ATP8A2: variants seen among roughly 807,000 people sequenced by gnomAD.
ATP8A2 encodes the protein phospholipid-transporting ATPase IB.
A neutral mutation model predicts 165.6 loss-of-function variants in ATP8A2; 100 were observed. The observed-to-expected ratio is 0.60, with a 90% CI of 0.51 to 0.71. ATP8A2 has a LOEUF of 0.71. Among genes scored for constraint, ATP8A2 ranks in the 30% least tolerant of loss-of-function variants. The probability of loss-of-function intolerance (pLI) is 0.00; values close to 1 mark genes in which losing one functional copy is unlikely to be tolerated. For missense variants in ATP8A2, 1,227 were observed against 1,479.5 expected (o/e 0.83, Z 2.80); for synonymous variants, 543 against 548.8 (o/e 0.99, Z 0.15).
chr13:25,474,080 C>G (rs2035923100), intron 2 of ATP8A2, among the ~76,000 whole-genome samples: 1 of 152,140 alleles, frequency 6.6e-6, no homozygotes, highest in Admixed American at 6.6e-5. Context: ...TTTATAGTTA[C>G]TCAGTTTTGA....
At chr13:25,573,934 G>C (rs2039542338) in intron 18 of ATP8A2, among the ~76,000 whole-genome samples, 1 of 152,176 alleles carries the variant, frequency 6.6e-6, no homozygotes, top group Non-Finnish European at 1.5e-5. Flanking sequence ...TTGGTAATTT[G>C]AATGTGTTAC....
At chr13:25,480,240 C>T (rs1177794572) in intron 2 of ATP8A2, among the ~76,000 whole-genome samples, 9 of 148,492 alleles carry the variant, frequency 6.1e-5, no homozygotes, top group South Asian at 2.2e-4. Flanking sequence ...CCAGTAGGGG[C>T]GGCTGGGCAG....
intron 1 of ATP8A2, among the ~76,000 whole-genome samples, chr13:25,452,673 A>G (rs928539242): frequency 1.3e-5 from 2 of 152,214 alleles, no homozygotes; most frequent in Admixed American, 6.6e-5. Context: ...AACAGTAAAT[A>G]TATTTTTTAG....
intron 10 of ATP8A2, among the ~76,000 whole-genome samples, chr13:25,549,656 T>C (rs1248033993): frequency 6.6e-6 from 1 of 152,078 alleles, no homozygotes; most frequent in Admixed American, 6.5e-5. Flanking sequence ...CCTGCTGTTA[T>C]TACTGTACTG....
At chr13:25,948,239 C>T (rs1955263009) in intron 33 of ATP8A2, among the ~76,000 whole-genome samples, 1 of 151,814 alleles carries the variant, frequency 6.6e-6, no homozygotes, top group African/African-American at 2.4e-5. Context: ...ACCCAGTTCC[C>T]CCTCAAAACT....
intron 25 of ATP8A2, among the ~76,000 whole-genome samples, chr13:25,700,118 G>C (rs2042920467): frequency 6.6e-6 from 1 of 152,114 alleles, no homozygotes; most frequent in Admixed American, 6.5e-5. Flanking sequence ...TTGAAACAAT[G>C]AGTGACAAGT....
intron 24 of ATP8A2, among the ~76,000 whole-genome samples, chr13:25,651,517 T>C (rs1453226858): frequency 6.6e-6 from 1 of 152,198 alleles, no homozygotes; most frequent in Non-Finnish European, 1.5e-5. Context: ...TCTGCAGATT[T>C]ATTTTATTAA....
intron 27 of ATP8A2, among the ~76,000 whole-genome samples, 159 bp from the exon 28 acceptor site, chr13:25,827,959 T>C (rs1375163001): frequency 6.6e-6 from 1 of 152,224 alleles, no homozygotes. Flanking sequence ...ATATCGGGAA[T>C]CTATGTTTTA....
At chr13:25,462,867 T>C (rs2035540818) in intron 1 of ATP8A2, among the ~76,000 whole-genome samples, 1 of 152,160 alleles carries the variant, frequency 6.6e-6, no homozygotes, top group Non-Finnish European at 1.5e-5. Flanking sequence ...TCCAGGGATT[T>C]AGAGGCTCCC....
chr13:25,756,594 T>C (rs1473041827), intron 25 of ATP8A2, among the ~76,000 whole-genome samples: 1 of 152,232 alleles, frequency 6.6e-6, no homozygotes, highest in Non-Finnish European at 1.5e-5. Flanking sequence ...TTTAGTCTTG[T>C]CTTGGCCACT....
intron 30 of ATP8A2, among the ~76,000 whole-genome samples, chr13:25,854,057 G>A (rs558868263): frequency 6.6e-5 from 10 of 152,232 alleles, no homozygotes; most frequent in East Asian, 3.9e-4. Flanking sequence ...CTCTTATTAC[G>A]GGGACTGCCT....
At chr13:25,476,620 T>A (rs2036003200) in intron 2 of ATP8A2, among the ~76,000 whole-genome samples, 1 of 152,214 alleles carries the variant, frequency 6.6e-6, no homozygotes, top group Admixed American at 6.5e-5. Context: ...TATGTAAAGA[T>A]CATTATCTTA....
rs2038176631 is a variant in ATP8A2 at position 25,533,349 on chromosome 13, G to T, written c.507+36G>T. The stretch of plus-strand genomic sequence containing the variant: ...ATTTTAAAGATGTACCAGTACTATT[G>T]GTTTGAAGACGCGTAATGAATTGCT... On this transcript the variant is annotated intron_variant, in intron 6 of 36. Transcript: ENST00000381655. 3 of 1,225,690 alleles carry T rather than the reference G, an allele frequency of 2.4e-6. No individual in the cohort carries two copies. In the South Asian group the frequency reaches 3.8e-5, roughly 16 times the overall value. 75.9% of individuals were successfully genotyped at this position (1,225,690 alleles called of 1,614,324 possible). A position where few individuals can be genotyped will look rare whatever the true frequency, so the allele number is the denominator to read the frequency against.
At chr13:25,909,689 G>A (rs957624064) in intron 33 of ATP8A2, among the ~76,000 whole-genome samples, 2 of 152,072 alleles carry the variant, frequency 1.3e-5, no homozygotes, top group African/African-American at 4.8e-5. Flanking sequence ...CAATTCAATG[G>A]CATTAAGAAC....
chr13:25,942,652 G>T (rs1372532489), intron 33 of ATP8A2, among the ~76,000 whole-genome samples: 1 of 152,170 alleles, frequency 6.6e-6, no homozygotes, highest in Non-Finnish European at 1.5e-5. Flanking sequence ...TCAAATCCCT[G>T]TCCTCGGGTG....
rs762226239 is a variant in ATP8A2, at chr13:25,699,124, G to A, written c.2212-49G>A. On this transcript the variant is annotated intron_variant, in intron 24 of 36. Transcript: ENST00000381655. The stretch of plus-strand genomic sequence containing the variant: ...TAATTTTGAATTCTATTTTGTTTTT[G>A]ATATTAAACACACAAAAAATGTGAT... 2.2e-6 allele frequency: 3 copies of A among 1,388,716 alleles called. No individual in the cohort carries two copies. In the Admixed American group the frequency reaches 7.7e-5, roughly 35 times the overall value. The allele number at this position is 1,388,716 out of a possible 1,614,324, so 86.0% of individuals were successfully genotyped here.
intron 17 of ATP8A2, 140 bp from the exon 18 acceptor site, chr13:25,571,470 T>C (rs917088410): frequency 6.4e-6 from 4 of 622,630 alleles, no homozygotes; most frequent in Non-Finnish European, 8.5e-6. Flanking sequence ...AGTGCTTCTC[T>C]ATCCTGAGTC....
chr13:25,823,937 G>A (rs1951243333), intron 27 of ATP8A2, among the ~76,000 whole-genome samples: 1 of 152,132 alleles, frequency 6.6e-6, no homozygotes, highest in Middle Eastern at 3.4e-3. Flanking sequence ...GTGTTCTCAA[G>A]CTTTACTACC....
At chr13:26,005,979 G>A (rs573248277) in intron 35 of ATP8A2, among the ~76,000 whole-genome samples, 1 of 151,820 alleles carries the variant, frequency 6.6e-6, no homozygotes, top group Admixed American at 6.6e-5. Flanking sequence ...CATTATTTTG[G>A]TTATTTTGGG....
Sources: gnomAD v4.1 joint callset for allele counts (sites outside exome capture counted in the v4.1 genomes callset) on GRCh38, gnomAD v4.1.1 for gene constraint, MANE v1.5 for transcripts, NCBI Gene and HGNC (gene_info 2026-07-23, HGNC 2026-07-21) for gene names.